NFIX: variants seen among roughly 807,000 people sequenced by gnomAD.
The protein encoded by NFIX is nuclear factor I X.
NFIX carries 2 observed loss-of-function variants against 53.3 expected under a neutral mutation model. That is an observed-to-expected ratio of 0.04 (90% confidence interval 0.02 to 0.12). The LOEUF is 0.12. Ranked by LOEUF, NFIX falls within the 10% of genes least tolerant of loss-of-function variation. NFIX has a pLI of 1.00. For synonymous variants in NFIX, 244 were observed against 289.0 expected, an observed-to-expected ratio of 0.84 and a Z score of 1.58; for missense variants, 310 against 674.5, an observed-to-expected ratio of 0.46 and a Z score of 5.99.
intron 2 of NFIX, among the ~76,000 whole-genome samples, chr19:13,042,669 A>T (rs1169408709): frequency 1.3e-5 from 2 of 152,016 alleles, no homozygotes; most frequent in East Asian, 3.9e-4. Flanking sequence ...AAAAAGAAAA[A>T]CATGCTTTTA....
In NFIX at chr19:13,005,205, A is replaced by T. The variant is rs150873939; in HGVS notation, c.27+9341A>T. On this transcript the variant is annotated intron_variant, in intron 1 of 10. Coordinates refer to ENST00000592199, the MANE Select transcript of NFIX (RefSeq NM_001365902.3). The surrounding 1 kb of genome is among the most constrained non-coding windows in gnomAD (Gnocchi z 4.7). ...GACTCCCCAGTTCTGACCCCAGAGA[A>T]AGAAGAGACAGCGGTCAGCAGAATG... Among the ~76,000 whole-genome samples the T allele has an allele frequency of 6.6e-6, 1 of 152,374 alleles. No individual in the cohort carries two copies. Among genetic ancestry groups the T allele is most frequent in the Admixed American group, 6.5e-5 (1 of 15,304 alleles).
Position 13,067,947 on chromosome 19 carries a change from T to C in NFIX, c.560-5100T>C, listed in dbSNP as rs761703545. Among the ~76,000 whole-genome samples the C allele has an allele frequency of 1.3e-4, 20 of 151,726 alleles. No individual in the cohort carries two copies. The highest frequency in any genetic ancestry group is 1.3e-3 in the Admixed American group (20 of 15,256). ...TGTGAAACCCTGTCTCTTCTAAAAA[T>C]ACAAAAAATTAGCTGGTCCTGGTGA... On this transcript the variant is annotated intron_variant, in intron 2 of 10. Coordinates refer to ENST00000592199, the MANE Select transcript of NFIX (RefSeq NM_001365902.3). This position sits in a 1 kb window ranked among gnomAD's most constrained non-coding sequence, Gnocchi z 4.2.
intron 2 of NFIX, among the ~76,000 whole-genome samples, chr19:13,039,874 C>A (rs2014495263): frequency 6.6e-6 from 1 of 152,096 alleles, no homozygotes; most frequent in Admixed American, 6.5e-5. Flanking sequence ...GGAAGCAGCC[C>A]ATGGCCCATC....
At chr19:12,999,619 G>A (rs76960868) in intron 1 of NFIX, among the ~76,000 whole-genome samples, 4,988 of 152,186 alleles carry the variant, frequency 0.033, 90 homozygotes, top group Middle Eastern at 0.089. Context: ...CCGCACACAC[G>A]GATACACCCG....
At position 13,036,332 on chromosome 19, in the gene NFIX, G is replaced by C. The variant is rs995415983; in HGVS notation, c.559+10780G>C. 6.6e-6 allele frequency among the ~76,000 whole-genome samples: 1 copy of C among 152,176 alleles called. No homozygotes were observed. Among genetic ancestry groups the C allele is most frequent in the Admixed American group, 6.5e-5 (1 of 15,274 alleles). ...TATTTCATCATAATTGTTTGTTTTG[G>C]GTTTAACAATACAGCAGGGAGAAGA... is the stretch of plus-strand genomic sequence containing the variant. On this transcript the variant is annotated intron_variant, in intron 2 of 10. Coordinates refer to ENST00000592199, the MANE Select transcript of NFIX (RefSeq NM_001365902.3). The surrounding 1 kb of genome is among the most constrained non-coding windows in gnomAD (Gnocchi z 4.7).
In NFIX at chr19:13,022,533, G is replaced by A. The variant is rs1160527915; in HGVS notation, c.28-2488G>A. On this transcript the variant is annotated intron_variant, in intron 1 of 10. Transcript: ENST00000592199. The surrounding 1 kb of genome is among the most constrained non-coding windows in gnomAD (Gnocchi z 4.5). ...TCTTATTTCTATTCATAGCACCGCA[G>A]GCCCGTGTGTATGTGGCCGGGGAGG... Among the ~76,000 whole-genome samples, 1 of 152,048 alleles carries A rather than the reference G, an allele frequency of 6.6e-6. No individual in the cohort carries two copies. The highest frequency in any genetic ancestry group is 1.5e-5 in the Non-Finnish European group (1 of 68,010).
chr19:13,059,659 C>T (rs2015929013), intron 2 of NFIX, among the ~76,000 whole-genome samples: 2 of 151,490 alleles, frequency 1.3e-5, no homozygotes, highest in African/African-American at 2.4e-5. Context: ...CTTTGGGGAA[C>T]CCTACTGGAG....
chr19:13,017,764 C>G (rs573122673), intron 1 of NFIX, among the ~76,000 whole-genome samples: 112 of 152,380 alleles, frequency 7.4e-4, no homozygotes, highest in African/African-American at 2.6e-3. Context: ...GCACAGACCT[C>G]ATCTTCACGC....
rs1362930283 is a variant in NFIX at position 13,037,543 on chromosome 19, T to C, written c.559+11991T>C. Among the ~76,000 whole-genome samples, 1 of 152,146 alleles carries C rather than the reference T, an allele frequency of 6.6e-6. No homozygotes were observed. The highest frequency in any genetic ancestry group is 1.5e-5 in the Non-Finnish European group (1 of 68,024). ...TTTAGGTGTATGGGAGATTGCTTCA[T>C]ATAGGGTGGGGAAGAACTAGTCTTC... On this transcript the variant is annotated intron_variant, in intron 2 of 10. Transcript: ENST00000592199. This position sits in a 1 kb window ranked among gnomAD's most constrained non-coding sequence, Gnocchi z 4.2.
rs920717204 is a variant in NFIX at position 13,097,162 on chromosome 19, T to C, written c.*2513T>C. ...GCGGGGATAACGAAAGCTGAGTGTT[T>C]TTCCCTTTTTTTTGTTCGTTTTTAG... On this transcript the variant is annotated 3_prime_UTR_variant, in exon 11 of 11. Transcript: ENST00000592199. The C allele has an allele frequency of 1.3e-5, 2 of 150,924 alleles. No individual in the cohort carries two copies. The highest frequency in any genetic ancestry group is 3.9e-4 in the East Asian group (2 of 5,174). The allele number at this position is 150,924 out of a possible 1,614,324, so 9.3% of individuals were successfully genotyped here. A position where few individuals can be genotyped will look rare whatever the true frequency, so the allele number is the denominator to read the frequency against.
At chr19:13,077,861 G>A (rs531268017) in intron 6 of NFIX, among the ~76,000 whole-genome samples, 34 of 152,294 alleles carry the variant, frequency 2.2e-4, no homozygotes, top group African/African-American at 8.2e-4. Context: ...TTCAAACAAG[G>A]TGTTCTCTGT....
rs2018101748 is a variant in NFIX at position 13,090,963 on chromosome 19, C to T, written c.1494+573C>T. ...CAGCATGCTGGAGACCTCATCCTTG[C>T]TCCTATCCCCTGCTGACACCACCCT... is the stretch of plus-strand genomic sequence containing the variant. On this transcript the variant is annotated intron_variant, in intron 10 of 10. Transcript: ENST00000592199. This position sits in a 1 kb window ranked among gnomAD's most constrained non-coding sequence, Gnocchi z 6.6. Among the ~76,000 whole-genome samples, 1 of 152,176 alleles carries T rather than the reference C, an allele frequency of 6.6e-6. No homozygotes were observed. The highest frequency in any genetic ancestry group is 2.4e-5 in the African/African-American group (1 of 41,444).
chr19:13,073,844 G>A lies in NFIX; in HGVS notation c.698-62G>A. 6.2e-7 allele frequency: 1 copy of A among 1,609,466 alleles called. No individual in the cohort carries two copies. Among genetic ancestry groups the A allele is most frequent in the Admixed American group, 1.7e-5 (1 of 59,726 alleles). On this transcript the variant is annotated intron_variant, in intron 4 of 10. Transcript: ENST00000592199. The surrounding 1 kb of genome is among the most constrained non-coding windows in gnomAD (Gnocchi z 4.5). ...CTTCTGGGAAGCTGTTCATGACAAA[G>A]AAACAGACCCCATCAGGCCTCCCCC...
chr19:13,039,223 C>A (rs912937700), intron 2 of NFIX, among the ~76,000 whole-genome samples: 22 of 144,792 alleles, frequency 1.5e-4, no homozygotes, highest in Admixed American at 6.6e-5. Flanking sequence ...ATTAAACACC[C>A]CCCCCCACAC....
At chr19:13,071,216 G>A (rs530176433) in intron 2 of NFIX, 3 of 152,394 alleles carry the variant, frequency 2.0e-5, no homozygotes, top group East Asian at 3.9e-4. Flanking sequence ...CCATGATTTA[G>A]AGCAACCACA....
chr19:13,078,678 TC>T lies in NFIX; in HGVS notation c.1025del (p.Pro342ArgfsTer59). ...FCSALSSQGS[S>X]PRMAFTHHPL... ...CAGTGCCCTCTCCTCTCAGGGCAGC[TC>T]CCCGCGCATGGCTTTCACCCACCAC... On this transcript the variant is annotated frameshift_variant, in exon 7 of 11. Transcript: ENST00000592199. LOFTEE classifies it high-confidence loss of function. This position sits in a 1 kb window ranked among gnomAD's most constrained non-coding sequence, Gnocchi z 4.7. The T allele has an allele frequency of 6.3e-7, 1 of 1,598,864 alleles. No homozygotes were observed.
chr19:13,081,755 C>T lies in NFIX; in HGVS notation c.1154C>T (p.Thr385Met), dbSNP rs1212531253. The change falls in exon 8 of 11, where the codon ACG becomes ATG. Residue 385 changes from threonine (T) to methionine (M), a missense_variant. Physicochemically the swap from Thr to Met is moderately conservative, Grantham distance 81 (BLOSUM62 -1). Transcript: ENST00000592199. This position sits in a 1 kb window ranked among gnomAD's most constrained non-coding sequence, Gnocchi z 4.7. ...SIIQQSSPYF[T>M]HPTIRYHHHH... ...ATCCAGCAGTCGAGCCCGTATTTCA[C>T]GCACCCGACCATCCGCTACCACCAC... The T allele has an allele frequency of 1.9e-6, 3 of 1,614,006 alleles. No homozygotes were observed. The highest frequency in any genetic ancestry group is 1.1e-5 in the South Asian group (1 of 91,076).
rs181611807 is a variant in NFIX at position 13,049,176 on chromosome 19, C to G, written c.559+23624C>G. 5.4e-3 allele frequency among the ~76,000 whole-genome samples: 816 copies of G among 152,054 alleles called. 7 individuals are homozygous for G. Among genetic ancestry groups the G allele is most frequent in the African/African-American group, 0.019 (794 of 41,456 alleles). ...GCTGAGGCAGGAGGATTGCTTGAACCCAAGAATTTAAGGTTGCAGCAAGCG... is the reference window on the plus strand; with the variant it reads ...GCTGAGGCAGGAGGATTGCTTGAACGCAAGAATTTAAGGTTGCAGCAAGCG... On this transcript the variant is annotated intron_variant, in intron 2 of 10. Coordinates refer to ENST00000592199, the MANE Select transcript of NFIX (RefSeq NM_001365902.3). The surrounding 1 kb of genome is among the most constrained non-coding windows in gnomAD (Gnocchi z 4.5).
At chr19:13,039,565 T>C (rs1341201009) in intron 2 of NFIX, among the ~76,000 whole-genome samples, 1 of 152,138 alleles carries the variant, frequency 6.6e-6, no homozygotes, top group Non-Finnish European at 1.5e-5. Flanking sequence ...TGCATCCCCA[T>C]GGTGGCAAGT....
Sources: gnomAD v4.1 joint callset for allele counts (sites outside exome capture counted in the v4.1 genomes callset) on GRCh38, gnomAD v4.1.1 for gene constraint, Gnocchi (gnomAD v3.1) non-coding constraint, MANE v1.5 for transcripts, NCBI Gene and HGNC (gene_info 2026-07-23, HGNC 2026-07-21) for gene names.